The following PHC2 variants were observed in gnomAD, a reference collection of about 807,000 sequenced individuals.
The protein encoded by PHC2 is polyhomeotic homolog 2.
PHC2 carries 29 observed loss-of-function variants against 87.4 expected under a neutral mutation model. The ratio of observed to expected loss-of-function variants is 0.33; its 90% CI spans 0.25 to 0.45. The LOEUF (loss-of-function observed/expected upper bound fraction) is 0.45. PHC2 is among the 20% of genes least tolerant of loss of function. The pLI, the probability that PHC2 is intolerant of heterozygous loss-of-function variation, is 1.00. For missense variants in PHC2, 857 were observed against 1,136.7 expected (o/e 0.75, Z 3.54); for synonymous variants, 438 against 461.7 (o/e 0.95, Z 0.66).
At position 33,328,874 on chromosome 1, in the gene PHC2, C is replaced by T. The variant is rs746016171; in HGVS notation, c.2421G>A (p.Leu807=). 5.6e-6 allele frequency: 9 copies of T among 1,604,062 alleles called. No homozygotes were observed. Among genetic ancestry groups the T allele is most frequent in the Admixed American group, 3.3e-5 (2 of 59,828 alleles). Residue 807 remains leucine (L), a synonymous_variant, in exon 14 of 15, where the codon CTG becomes CTA. Coordinates refer to ENST00000683057, the MANE Select transcript of PHC2 (RefSeq NM_001385109.1). ...VEDVYEFIRS[L]PGCQEIAEEF... ...TGGAATTTCCAAGGGCCTTACCTGG[C>T]AGAGAGCGGATGAATTCGTAGACGT...
At chr1:33,398,922 G>A (rs1234034138) in intron 1 of PHC2, among the ~76,000 whole-genome samples, 3 of 152,146 alleles carry the variant, frequency 2.0e-5, no homozygotes, top group East Asian at 3.8e-4. Context: ...CGATAGCCTC[G>A]CTGATTGTTG....
At chr1:33,335,330 G>A in intron 9 of PHC2, 1 of 985,370 alleles carries the variant, frequency 1.0e-6, no homozygotes, top group Middle Eastern at 5.2e-4. Flanking sequence ...ACTGCCCCGT[G>A]AGCTGAGGCT....
intron 1 of PHC2, among the ~76,000 whole-genome samples, chr1:33,413,799 T>C (rs946090894): frequency 6.6e-6 from 1 of 152,198 alleles, no homozygotes; most frequent in African/African-American, 2.4e-5. Context: ...ATGTAAACCA[T>C]GAACTTCAAA....
At position 33,349,485 on chromosome 1, in the gene PHC2, G is replaced by A; in HGVS notation, c.1558+4916C>T. 1.0e-6 allele frequency: 1 copy of A among 985,254 alleles called. No homozygotes were observed. The highest frequency in any genetic ancestry group is 1.2e-6 in the Non-Finnish European group (1 of 829,886). The allele number at this position is 985,254 out of a possible 1,614,324, so 61.0% of individuals were successfully genotyped here. A position where few individuals can be genotyped will look rare whatever the true frequency, so the allele number is the denominator to read the frequency against. On this transcript the variant is annotated intron_variant, in intron 9 of 14. Coordinates refer to ENST00000683057, the MANE Select transcript of PHC2 (RefSeq NM_001385109.1). The surrounding 1 kb of genome is among the most constrained non-coding windows in gnomAD (Gnocchi z 4.2). Reference sequence around the variant, plus strand: ...CCGCGACTGGCACGGCCTGGCAGCCGCGTAGGCCCGGGCCGTTAGGGGCAC... The same window carrying A: ...CCGCGACTGGCACGGCCTGGCAGCCACGTAGGCCCGGGCCGTTAGGGGCAC...
intron 1 of PHC2, among the ~76,000 whole-genome samples, chr1:33,385,631 A>G (rs1648702808): frequency 6.6e-6 from 1 of 152,162 alleles, no homozygotes; most frequent in Non-Finnish European, 1.5e-5. Context: ...TCAGAGAAAA[A>G]AGATACTATC....
chr1:33,366,521 T>C (rs1358433361), intron 7 of PHC2, among the ~76,000 whole-genome samples: 1 of 152,232 alleles, frequency 6.6e-6, no homozygotes, highest in Admixed American at 6.5e-5. Context: ...TCAAGCCACA[T>C]AGCTCTTCTG....
rs530194413 is a variant in PHC2, at chr1:33,369,260, C to T, written c.577-638G>A. 6.6e-4 allele frequency among the ~76,000 whole-genome samples: 100 copies of T among 152,222 alleles called. No individual in the cohort carries two copies. The highest frequency in any genetic ancestry group is 1.0e-3 in the Non-Finnish European group (70 of 68,028). On this transcript the variant is annotated intron_variant, in intron 5 of 14. Coordinates refer to ENST00000683057, the MANE Select transcript of PHC2 (RefSeq NM_001385109.1). The surrounding 1 kb of genome is among the most constrained non-coding windows in gnomAD (Gnocchi z 4.7). ...CCATGGTGTTCTCTGCATGACACCT[C>T]GACCTCCGTGGGAGTCTAGCTCTGC...
intron 9 of PHC2, chr1:33,347,170 G>A: frequency 2.0e-6 from 2 of 985,426 alleles, no homozygotes; most frequent in Non-Finnish European, 2.4e-6. Flanking sequence ...GGTCATAGCT[G>A]AGGGAAGGGC....
chr1:33,343,245 G>A (rs372522398), intron 9 of PHC2, among the ~76,000 whole-genome samples: 50 of 151,866 alleles, frequency 3.3e-4, no homozygotes, highest in African/African-American at 1.0e-3. Flanking sequence ...GGTGGATCAC[G>A]ACGTCAAGAG....
rs1034036011 is a variant in PHC2 at position 33,369,747 on chromosome 1, T to C, written c.576+674A>G. On this transcript the variant is annotated intron_variant, in intron 5 of 14. Transcript: ENST00000683057. The surrounding 1 kb of genome is among the most constrained non-coding windows in gnomAD (Gnocchi z 4.7). Reference sequence around the variant, plus strand: ...GGGAGGTATGAGACACGACCCACAGTGACTGAGCCCTAGCTGGGGCTGCAT... The same window carrying C: ...GGGAGGTATGAGACACGACCCACAGCGACTGAGCCCTAGCTGGGGCTGCAT... Among the ~76,000 whole-genome samples the C allele has an allele frequency of 2.0e-5, 3 of 152,118 alleles. No individual in the cohort carries two copies. The highest frequency in any genetic ancestry group is 7.2e-5 in the African/African-American group (3 of 41,422).
chr1:33,375,257 G>A (rs34710284), intron 2 of PHC2, 109 bp downstream of exon 2: 111,340 of 905,710 alleles, frequency 0.12, 7,796 homozygotes, highest in East Asian at 0.26. Context: ...CCATATGCCC[G>A]TTCTAGAGTC....
intron 9 of PHC2, among the ~76,000 whole-genome samples, chr1:33,344,437 C>T (rs1052667013): frequency 3.3e-5 from 5 of 152,128 alleles, no homozygotes; most frequent in African/African-American, 1.2e-4. Context: ...TACTACATAC[C>T]TTGCAAATCA....
chr1:33,358,429 T>A (rs1361854860), intron 7 of PHC2, among the ~76,000 whole-genome samples: 1 of 152,196 alleles, frequency 6.6e-6, no homozygotes, highest in Non-Finnish European at 1.5e-5. Flanking sequence ...CCAAAGGTAT[T>A]TGGGGTATAT....
intron 1 of PHC2, among the ~76,000 whole-genome samples, chr1:33,430,435 G>C (rs1183912246): frequency 1.3e-5 from 2 of 152,208 alleles, no homozygotes; most frequent in Admixed American, 6.5e-5. Flanking sequence ...AAGTGCCAGC[G>C]GCTGCGCTGT....
chr1:33,409,427 T>C (rs959509016), intron 1 of PHC2, among the ~76,000 whole-genome samples: 4 of 152,026 alleles, frequency 2.6e-5, no homozygotes, highest in Non-Finnish European at 5.9e-5. Flanking sequence ...TATGCACTCA[T>C]AAATTTAAAA....
At chr1:33,416,892 C>G (rs939351432) in intron 1 of PHC2, among the ~76,000 whole-genome samples, 1 of 151,978 alleles carries the variant, frequency 6.6e-6, no homozygotes, top group East Asian at 1.9e-4. Flanking sequence ...ATAAAGGTCA[C>G]GTTTCCTCAT....
intron 1 of PHC2, among the ~76,000 whole-genome samples, chr1:33,406,402 C>T (rs944755993): frequency 6.6e-6 from 1 of 152,088 alleles, no homozygotes; most frequent in Non-Finnish European, 1.5e-5. Flanking sequence ...ATTGGGGCCA[C>T]GTAATTCCTT....
At chr1:33,409,967 A>G (rs1649916790) in intron 1 of PHC2, among the ~76,000 whole-genome samples, 2 of 152,236 alleles carry the variant, frequency 1.3e-5, no homozygotes, top group South Asian at 2.1e-4. Context: ...AACTATTACT[A>G]TAATGACCTC....
At chr1:33,362,608 T>C (rs921806237) in intron 7 of PHC2, among the ~76,000 whole-genome samples, 1 of 152,172 alleles carries the variant, frequency 6.6e-6, no homozygotes, top group Non-Finnish European at 1.5e-5. Flanking sequence ...GACTGAGTTT[T>C]AGGAGACCCA....
Sources: allele counts gnomAD v4.1 joint callset (sites outside exome capture counted in the v4.1 genomes callset), GRCh38; gene constraint gnomAD v4.1.1; non-coding constraint Gnocchi (gnomAD v3.1); transcripts MANE v1.5; gene names NCBI Gene and HGNC (gene_info 2026-07-23, HGNC 2026-07-21).